The following RPRD2 variants were observed in gnomAD, a reference collection of about 807,000 sequenced individuals.
RPRD2 encodes regulation of nuclear pre-mRNA domain-containing protein 2.
In RPRD2, 12 loss-of-function variants were observed where a neutral mutation model predicts 104.4. The observed-to-expected ratio is 0.11, with a 90% CI of 0.07 to 0.19. RPRD2 has a LOEUF of 0.19. RPRD2 is among the 10% of genes least tolerant of loss of function. RPRD2 has a pLI of 1.00. For synonymous variants in RPRD2, 714 were observed against 684.9 expected (o/e 1.04, Z -0.66); for missense variants, 1,543 against 1,790.1 (o/e 0.86, Z 2.49).
intron 1 of RPRD2, among the ~76,000 whole-genome samples, chr1:150,380,611 G>C (rs1426639428): frequency 6.6e-6 from 1 of 151,964 alleles, no homozygotes; most frequent in Non-Finnish European, 1.5e-5. Context: ...GCCTCCCAAA[G>C]TGCTGGGATT....
intron 7 of RPRD2, among the ~76,000 whole-genome samples, chr1:150,449,175 G>A (rs782653000): frequency 1.3e-5 from 2 of 152,090 alleles, no homozygotes; most frequent in South Asian, 2.1e-4. Flanking sequence ...GCCCAACCCC[G>A]AATTGGCTAA....
chr1:150,462,129 A>G (rs1667975917), intron 9 of RPRD2, among the ~76,000 whole-genome samples: 1 of 152,032 alleles, frequency 6.6e-6, no homozygotes. Context: ...TAAAAATACA[A>G]AAATTAGCTG....
chr1:150,457,621 TCTC>T, intron 8 of RPRD2, 51 bp downstream of exon 8: 17 of 1,506,836 alleles, frequency 1.1e-5, no homozygotes, highest in Non-Finnish European at 1.4e-5. Context: ...TGTTTTGCCT[TCTC>T]AGCAATGAAT....
Position 150,440,945 on chromosome 1 carries a change from G to A in RPRD2, c.358G>A (p.Val120Ile). 1.3e-6 allele frequency: 2 copies of A among 1,570,796 alleles called. No individual in the cohort carries two copies. Among genetic ancestry groups the A allele is most frequent in the African/African-American group, 1.3e-5 (1 of 74,176 alleles). The change falls in exon 3 of 11, where the codon GTA (valine) becomes ATA (isoleucine). Residue 120 changes from valine to isoleucine, a missense_variant. Coordinates refer to ENST00000369068, the MANE Select transcript of RPRD2 (RefSeq NM_015203.5). ...LVKDPSVSKS[V>I]ERIFKIWEDR... The stretch of plus-strand genomic sequence containing the variant: ...CAGGGATCCATCTGTCTCTAAGTCT[G>A]TAGAACGAATCTTTAAAATCTGGGA...
At chr1:150,367,332 T>C (rs1659914972) in intron 1 of RPRD2, among the ~76,000 whole-genome samples, 1 of 152,152 alleles carries the variant, frequency 6.6e-6, no homozygotes, top group Admixed American at 6.6e-5. Flanking sequence ...TAAGTTCTTA[T>C]TTCTTTACAG....
chr1:150,471,862 C>G lies in RPRD2; in HGVS notation c.2914C>G (p.Arg972Gly), dbSNP rs1163082866. 1 of 1,613,990 alleles carries G rather than the reference C, an allele frequency of 6.2e-7. No homozygotes were observed. Among genetic ancestry groups the G allele is most frequent in the Admixed American group, 1.7e-5 (1 of 60,018 alleles). The change falls in exon 11 of 11, where the codon CGT becomes GGT. Residue 972 changes from arginine (R) to glycine (G), a missense_variant. Arg to Gly is a moderately radical substitution (Grantham distance 125, BLOSUM62 -2). Transcript: ENST00000369068. The surrounding 1 kb of genome is among the most constrained non-coding windows in gnomAD (Gnocchi z 5.3). Reference protein sequence around the residue: ...YPDSPHPVPHRSLFSPQNTLA... With the variant: ...YPDSPHPVPHGSLFSPQNTLA... ...AGACTCTCCTCACCCAGTCCCACAT[C>G]GTTCCCTTTTCTCTCCGCAGAACAC...
chr1:150,442,627 G>A (rs1336397346), intron 4 of RPRD2, among the ~76,000 whole-genome samples: 4 of 152,170 alleles, frequency 2.6e-5, no homozygotes, highest in East Asian at 3.9e-4. Flanking sequence ...TTGCTCCAGC[G>A]AGCATATGAT....
chr1:150,394,551 G>A (rs1662343844), intron 1 of RPRD2, among the ~76,000 whole-genome samples: 1 of 152,094 alleles, frequency 6.6e-6, no homozygotes, highest in South Asian at 2.1e-4. Flanking sequence ...TAAAATATAG[G>A]AATGTTTACT....
At chr1:150,370,686 TGCCTCA>T (rs782467030) in intron 1 of RPRD2, among the ~76,000 whole-genome samples, 2 of 150,490 alleles carry the variant, frequency 1.3e-5, no homozygotes, top group Non-Finnish European at 3.0e-5. Flanking sequence ...GTGATTCTCC[TGCCTCA>T]GCCTGCCAAG....
chr1:150,388,482 T>G (rs1661803237), intron 1 of RPRD2, among the ~76,000 whole-genome samples: 1 of 103,730 alleles, frequency 9.6e-6, no homozygotes, highest in Non-Finnish European at 2.1e-5. Flanking sequence ...ACATACACTA[T>G]ATATATATAC....
At chr1:150,391,211 A>G (rs999096541) in intron 1 of RPRD2, among the ~76,000 whole-genome samples, 39 of 152,374 alleles carry the variant, frequency 2.6e-4, no homozygotes, top group Middle Eastern at 3.4e-3. Context: ...AGAATTGTCT[A>G]CCTAGCAAAA....
intron 9 of RPRD2, among the ~76,000 whole-genome samples, chr1:150,461,015 G>T (rs1304883900): frequency 6.6e-6 from 1 of 151,788 alleles, no homozygotes; most frequent in Non-Finnish European, 1.5e-5. Context: ...GTGAGCCAGC[G>T]CACCCAGCTA....
At chr1:150,367,226 C>T (rs1267230837) in intron 1 of RPRD2, among the ~76,000 whole-genome samples, 2 of 152,180 alleles carry the variant, frequency 1.3e-5, no homozygotes, top group Non-Finnish European at 2.9e-5. Context: ...ATGAACTTCA[C>T]TGGTCTCATT....
At chr1:150,388,595 A>C (rs1479715306) in intron 1 of RPRD2, among the ~76,000 whole-genome samples, 2 of 150,560 alleles carry the variant, frequency 1.3e-5, no homozygotes, top group African/African-American at 4.9e-5. Flanking sequence ...ATTAAAACCA[A>C]TGAATCAATA....
intron 10 of RPRD2, among the ~76,000 whole-genome samples, chr1:150,468,615 G>A (rs1416323865): frequency 6.6e-5 from 10 of 152,112 alleles, no homozygotes; most frequent in African/African-American, 1.7e-4. Context: ...GGTGGCTCAC[G>A]CCTGTAATCT....
intron 7 of RPRD2, among the ~76,000 whole-genome samples, chr1:150,447,509 T>G (rs1275420834): frequency 2.0e-5 from 3 of 151,392 alleles, no homozygotes; most frequent in Non-Finnish European, 4.4e-5. Context: ...TAATTTCATA[T>G]TTTTAGTAGA....
At chr1:150,405,437 A>AAT (rs1240901036) in intron 1 of RPRD2, among the ~76,000 whole-genome samples, 2 of 152,194 alleles carry the variant, frequency 1.3e-5, no homozygotes, top group East Asian at 1.9e-4. Flanking sequence ...CTAGTACAGA[A>AAT]ATATATATAT....
chr1:150,445,142 CTGCACT>C (rs1666674056), intron 6 of RPRD2, among the ~76,000 whole-genome samples: 1 of 152,188 alleles, frequency 6.6e-6, no homozygotes, highest in Admixed American at 6.5e-5. Flanking sequence ...CATCATGTCA[CTGCACT>C]CCAGCCTGGG....
chr1:150,400,916 C>T (rs369092012), intron 1 of RPRD2, among the ~76,000 whole-genome samples: 7 of 151,834 alleles, frequency 4.6e-5, no homozygotes, highest in East Asian at 1.9e-4. Context: ...CGGTGGCTCA[C>T]GCTGGCTCCC....
Sources: allele counts gnomAD v4.1 joint callset (sites outside exome capture counted in the v4.1 genomes callset), GRCh38; gene constraint gnomAD v4.1.1; non-coding constraint Gnocchi (gnomAD v3.1); transcripts MANE v1.5; gene names NCBI Gene and HGNC (gene_info 2026-07-23, HGNC 2026-07-21).